Variants in PARP4 observed in about 807,000 individuals in gnomAD.
The protein encoded by PARP4 is protein mono-ADP-ribosyltransferase PARP4.
Under a neutral mutation model 187.7 loss-of-function variants are expected in PARP4, and 120 were observed. The observed-to-expected ratio is 0.64, with a 90% CI of 0.55 to 0.74. PARP4 has a LOEUF of 0.74. Among genes scored for constraint, PARP4 ranks in the 30% least tolerant of loss-of-function variants. PARP4 has a pLI of 0.00. For synonymous variants in PARP4, 654 were observed against 740.9 expected, an observed-to-expected ratio of 0.88 and a Z score of 1.90; for missense variants, 1,836 against 2,070.5, an observed-to-expected ratio of 0.89 and a Z score of 2.20.
chr13:24,438,806 G>A (rs928957720), intron 30 of PARP4, among the ~76,000 whole-genome samples: 3 of 152,200 alleles, frequency 2.0e-5, no homozygotes, highest in African/African-American at 7.2e-5. Context: ...GCTTCAGCGA[G>A]TCGGGAAGGA....
intron 21 of PARP4, among the ~76,000 whole-genome samples, chr13:24,455,480 A>AATATATATACATATATATAT (rs1871776262): frequency 1.8e-5 from 2 of 108,400 alleles, no homozygotes; most frequent in Non-Finnish European, 4.0e-5. Flanking sequence ...TTATGGAACA[A>AATATATATACATATATATAT]ATATATATAT....
In PARP4 at chr13:24,498,231, T is replaced by C; in HGVS notation, c.478-2A>G. On this transcript the variant is annotated splice_acceptor_variant, in intron 5 of 33. Coordinates refer to ENST00000381989, the MANE Select transcript of PARP4 (RefSeq NM_006437.4). LOFTEE classifies it high-confidence loss of function. ...TTCCTGGCCTCCCTCCATTCCCACCTGGAAAACAGGATGTGCTTTCAGAAG... is the reference window on the plus strand; with the variant it reads ...TTCCTGGCCTCCCTCCATTCCCACCCGGAAAACAGGATGTGCTTTCAGAAG... 6.2e-7 allele frequency: 1 copy of C among 1,606,088 alleles called. No individual in the cohort carries two copies. The highest frequency in any genetic ancestry group is 8.5e-7 in the Non-Finnish European group (1 of 1,173,954).
At chr13:24,485,060 C>G (rs1873481794) in intron 11 of PARP4, among the ~76,000 whole-genome samples, 1 of 152,056 alleles carries the variant, frequency 6.6e-6, no homozygotes, top group South Asian at 2.1e-4. Context: ...ATTTAGTATA[C>G]TTTTATGGTT....
intron 1 of PARP4, among the ~76,000 whole-genome samples, chr13:24,505,435 G>A (rs1439363726): frequency 6.6e-6 from 1 of 152,144 alleles, no homozygotes; most frequent in Non-Finnish European, 1.5e-5. Context: ...TCATCATGGT[G>A]TTCCTTGGAC....
chr13:24,424,322 G>A (rs1869907035), intron 33 of PARP4, among the ~76,000 whole-genome samples: 1 of 151,956 alleles, frequency 6.6e-6, no homozygotes, highest in Admixed American at 6.6e-5. Context: ...TGGTTGATAT[G>A]TCTCTAAAGG....
chr13:24,441,202 C>CA (rs1265930001), intron 30 of PARP4, among the ~76,000 whole-genome samples: 3 of 152,306 alleles, frequency 2.0e-5, no homozygotes, highest in Admixed American at 6.5e-5. Context: ...TGAGGTCTCG[C>CA]TTTGTTGCCC....
At chr13:24,427,096 C>T (rs1870099321) in intron 32 of PARP4, among the ~76,000 whole-genome samples, 1 of 151,986 alleles carries the variant, frequency 6.6e-6, no homozygotes, top group South Asian at 2.1e-4. Flanking sequence ...CCCTCACTTG[C>T]CATCTTCAAT....
chr13:24,426,664 A>G, intron 32 of PARP4, 66 bp from the exon 33 acceptor site: 1 of 1,379,176 alleles, frequency 7.3e-7, no homozygotes, highest in South Asian at 1.3e-5. Context: ...CCTGTTTATA[A>G]AATTCTCATT....
chr13:24,503,751 C>A lies in PARP4; in HGVS notation c.26G>T (p.Cys9Phe), dbSNP rs199992945. 3 of 1,614,038 alleles carry A rather than the reference C, an allele frequency of 1.9e-6. No homozygotes were observed. The highest frequency in any genetic ancestry group is 2.2e-5 in the East Asian group (1 of 44,886). The change falls in exon 2 of 34, where the codon TGT becomes TTT. Residue 9 changes from cysteine (C) to phenylalanine (F), a missense_variant. Transcript: ENST00000381989. MVMGIFAN[C>F]IFCLKVKYLP... is the part of the protein sequence containing the mutation. Reference sequence around the variant, plus strand: ...GTACTTCACTTTCAAACAGAAGATACAATTTGCAAAGATTCCCATCACCAT... The same window carrying A: ...GTACTTCACTTTCAAACAGAAGATAAAATTTGCAAAGATTCCCATCACCAT...
intron 7 of PARP4, 130 bp from the exon 8 acceptor site, chr13:24,493,863 AG>A: frequency 1.2e-6 from 1 of 815,462 alleles, no homozygotes. Flanking sequence ...ATCCCCAGCC[AG>A]GTAACTAAAT....
At chr13:24,423,530 C>CAAAAAAAA (rs113636449) in intron 33 of PARP4, among the ~76,000 whole-genome samples, 33 of 54,966 alleles carry the variant, frequency 6.0e-4, no homozygotes, top group African/African-American at 3.1e-3. Flanking sequence ...GATCTGGCCT[C>CAAAAAAAA]AAAAAATAAA....
At chr13:24,432,635 T>C in intron 31 of PARP4, among the ~76,000 whole-genome samples, 1 of 152,188 alleles carries the variant, frequency 6.6e-6, no homozygotes, top group East Asian at 1.9e-4. Context: ...AGGCCCTGTA[T>C]TGTACAGTAG....
At chr13:24,509,343 CA>C (rs1351531636) in intron 1 of PARP4, among the ~76,000 whole-genome samples, 3 of 151,878 alleles carry the variant, frequency 2.0e-5, no homozygotes, top group Middle Eastern at 3.2e-3. Flanking sequence ...TTCATCTCTA[CA>C]AAAAATACAA....
At position 24,435,049 on chromosome 13, in the gene PARP4, G is replaced by T; in HGVS notation, c.4092C>A (p.Phe1364Leu). The part of the protein sequence containing the change: ...APPRQFDASQ[F>L]SQGPVPGTCA... ...AAGTGCCAGGCACAGGGCCTTGGCT[G>T]AATTGAGATGCATCAAACTGTCTGG... The change falls in exon 31 of 34, where the codon TTC becomes TTA. Residue 1364 changes from phenylalanine (F) to leucine (L), a missense_variant. Phe to Leu is a conservative substitution (Grantham distance 22). Around this residue, in one of 8 missense-constraint regions of PARP4, gnomAD observed 450 missense variants for 439.2 expected, o/e 1.02. Coordinates refer to ENST00000381989, the MANE Select transcript of PARP4 (RefSeq NM_006437.4). 6.2e-7 allele frequency: 1 copy of T among 1,614,052 alleles called. No homozygotes were observed. The highest frequency in any genetic ancestry group is 8.5e-7 in the Non-Finnish European group (1 of 1,180,036).
intron 4 of PARP4, among the ~76,000 whole-genome samples, chr13:24,499,735 C>T (rs1869169921): frequency 6.6e-6 from 1 of 152,200 alleles, no homozygotes; most frequent in Non-Finnish European, 1.5e-5. Context: ...AGCTATGTCA[C>T]TCCTCTCCAG....
intron 32 of PARP4, among the ~76,000 whole-genome samples, chr13:24,429,268 C>A (rs1360347166): frequency 1.3e-5 from 2 of 152,156 alleles, no homozygotes; most frequent in African/African-American, 4.8e-5. Flanking sequence ...TTTTTAATAG[C>A]AGTTTTAAAG....
intron 31 of PARP4, among the ~76,000 whole-genome samples, chr13:24,432,697 C>A (rs1870405505): frequency 6.6e-6 from 1 of 151,742 alleles, no homozygotes; most frequent in Non-Finnish European, 1.5e-5. Flanking sequence ...CTGATGTAGT[C>A]TGAAACATGA....
At position 24,486,169 on chromosome 13, in the gene PARP4, G is replaced by C; in HGVS notation, c.1351C>G (p.Arg451Gly). ...AAAAATAAAGATGGCTACTCTTACCGACACAAGATTCCCACGATGTTTTGT... is the reference window on the plus strand; with the variant it reads ...AAAAATAAAGATGGCTACTCTTACCCACACAAGATTCCCACGATGTTTTGT... ...PVQNIVGILC[R>G]GLLLPKVVED... is the part of the protein sequence containing the mutation. Residue 451 changes from arginine to glycine, a missense_variant and splice_region_variant, in exon 11 of 34, where the codon CGA becomes GGA. Arg to Gly is a moderately radical substitution (Grantham distance 125). Transcript: ENST00000381989. 2 of 1,608,104 alleles carry C rather than the reference G, an allele frequency of 1.2e-6. No individual in the cohort carries two copies. Among genetic ancestry groups the C allele is most frequent in the Non-Finnish European group, 1.7e-6 (2 of 1,177,948 alleles).
chr13:24,438,524 G>C (rs1870747859), intron 30 of PARP4, among the ~76,000 whole-genome samples: 1 of 152,126 alleles, frequency 6.6e-6, no homozygotes, highest in Non-Finnish European at 1.5e-5. Context: ...TTTTACAAAT[G>C]ATTTACTTTA....
Sources: allele counts gnomAD v4.1 joint callset (sites outside exome capture counted in the v4.1 genomes callset), GRCh38; gene constraint gnomAD v4.1.1; regional missense constraint gnomAD v4.1.1; transcripts MANE v1.5; gene names NCBI Gene and HGNC (gene_info 2026-07-23, HGNC 2026-07-21).